Variants in PPARGC1A observed in about 807,000 individuals in gnomAD.
The protein encoded by PPARGC1A is PPARG coactivator 1 alpha.
PPARGC1A carries 25 observed loss-of-function variants against 88.7 expected under a neutral mutation model. The ratio of observed to expected loss-of-function variants is 0.28; its 90% CI spans 0.21 to 0.39. PPARGC1A has a LOEUF of 0.39. Ranked by LOEUF, PPARGC1A falls within the 10% of genes least tolerant of loss-of-function variation. The pLI is 1.00. For synonymous variants in PPARGC1A, 363 were observed against 355.6 expected (o/e 1.02, Z -0.24); for missense variants, 880 against 968.7 (o/e 0.91, Z 1.22).
At chr4:24,208,076 T>G in the PPARGC1A span, among the ~76,000 whole-genome samples, 1 of 152,104 alleles carries the variant, frequency 6.6e-6, no homozygotes, top group African/African-American at 2.4e-5. Flanking sequence ...ACCAGGAGTT[T>G]GAGACCAGCC....
At chr4:24,273,361 A>T in the PPARGC1A span, among the ~76,000 whole-genome samples, 1 of 152,216 alleles carries the variant, frequency 6.6e-6, no homozygotes, top group African/African-American at 2.4e-5. Flanking sequence ...CTTTACAAAC[A>T]TGTCAAGACT....
chr4:24,465,345 C>T, the PPARGC1A span, among the ~76,000 whole-genome samples: 2 of 151,854 alleles, frequency 1.3e-5, no homozygotes, highest in Non-Finnish European at 1.5e-5. Context: ...ACATAGAATC[C>T]GAAAGAAAGA....
chr4:24,315,043 T>C, the PPARGC1A span, among the ~76,000 whole-genome samples: 1 of 144,856 alleles, frequency 6.9e-6, no homozygotes, highest in Non-Finnish European at 1.5e-5. Context: ...AAAAAAGAAA[T>C]CTAAAGAGAC....
the PPARGC1A span, among the ~76,000 whole-genome samples, chr4:24,091,928 T>TACACACACACACACACAC: frequency 5.5e-3 from 811 of 147,836 alleles, 10 homozygotes; most frequent in African/African-American, 0.019. Context: ...CTTGCCCCAA[T>TACACACACACACACACAC]ACACACACAC....
the PPARGC1A span, among the ~76,000 whole-genome samples, chr4:24,198,229 A>T: frequency 6.6e-6 from 1 of 152,336 alleles, no homozygotes; most frequent in East Asian, 1.9e-4. Context: ...GAACCTCTAA[A>T]TAACCAAAGT....
the PPARGC1A span, among the ~76,000 whole-genome samples, chr4:24,069,129 C>A: frequency 2.0e-5 from 3 of 152,166 alleles, no homozygotes; most frequent in Non-Finnish European, 2.9e-5. Context: ...ATGATCTCTA[C>A]TTTATAAAGA....
chr4:24,119,562 A>G, the PPARGC1A span, among the ~76,000 whole-genome samples: 2 of 152,208 alleles, frequency 1.3e-5, no homozygotes, highest in Non-Finnish European at 2.9e-5. Flanking sequence ...AAGCCTAAAG[A>G]AAAGCTGAAG....
the PPARGC1A span, among the ~76,000 whole-genome samples, chr4:23,910,246 AAT>A: frequency 6.1e-4 from 64 of 105,120 alleles, 1 homozygote; most frequent in African/African-American, 2.2e-3. Context: ...AATATATATA[AAT>A]ATATATTATA....
the PPARGC1A span, among the ~76,000 whole-genome samples, chr4:24,284,803 C>T: frequency 7.9e-5 from 12 of 152,218 alleles, no homozygotes; most frequent in African/African-American, 2.2e-4. Flanking sequence ...CCAAGGCAGA[C>T]GGATCATGAG....
intron 2 of PPARGC1A, among the ~76,000 whole-genome samples, chr4:23,859,648 G>T (rs926153007): frequency 6.6e-6 from 1 of 151,848 alleles, no homozygotes; most frequent in African/African-American, 2.4e-5. Context: ...CAGCGTGGTG[G>T]CGGGCGCCTG....
chr4:24,170,240 T>C, the PPARGC1A span, among the ~76,000 whole-genome samples: 2 of 152,150 alleles, frequency 1.3e-5, no homozygotes, highest in African/African-American at 2.4e-5. Context: ...GTTGGGGGTG[T>C]AAGAGGCAAC....
At chr4:24,071,698 A>G in the PPARGC1A span, among the ~76,000 whole-genome samples, 4 of 152,020 alleles carry the variant, frequency 2.6e-5, no homozygotes, top group Non-Finnish European at 4.4e-5. Flanking sequence ...ATTGTGCCAG[A>G]AAAAAAATCC....
chr4:24,397,549 G>A, the PPARGC1A span, among the ~76,000 whole-genome samples: 67 of 152,266 alleles, frequency 4.4e-4, no homozygotes, highest in African/African-American at 1.6e-3. Context: ...CAAATTCCAA[G>A]TGATATCCTT....
chr4:24,222,974 TTA>T, the PPARGC1A span, among the ~76,000 whole-genome samples: 4 of 152,038 alleles, frequency 2.6e-5, no homozygotes, highest in East Asian at 7.7e-4. Flanking sequence ...AAGCAAAAAA[TTA>T]TAATACCTAA....
the PPARGC1A span, among the ~76,000 whole-genome samples, chr4:24,116,826 T>C: frequency 6.6e-6 from 1 of 152,178 alleles, no homozygotes; most frequent in African/African-American, 2.4e-5. Flanking sequence ...CTCCTAACCC[T>C]GTCTATCCCC....
At chr4:23,838,056 G>A (rs1180939282) in intron 2 of PPARGC1A, among the ~76,000 whole-genome samples, 1 of 152,130 alleles carries the variant, frequency 6.6e-6, no homozygotes, top group African/African-American at 2.4e-5. Flanking sequence ...ACTGGAATAG[G>A]ATTTGAGGTT....
At chr4:24,278,946 C>T in the PPARGC1A span, among the ~76,000 whole-genome samples, 1 of 152,192 alleles carries the variant, frequency 6.6e-6, no homozygotes, top group Non-Finnish European at 1.5e-5. Context: ...GCCGAAGCAG[C>T]TGAGTCCTAG....
chr4:23,966,226 C>T, the PPARGC1A span, among the ~76,000 whole-genome samples: 4 of 152,284 alleles, frequency 2.6e-5, no homozygotes, highest in African/African-American at 9.6e-5. Flanking sequence ...ATCTCCCCTG[C>T]CTGTTTCCTC....
chr4:24,195,133 G>A, the PPARGC1A span, among the ~76,000 whole-genome samples: 2 of 152,110 alleles, frequency 1.3e-5, no homozygotes, highest in African/African-American at 4.8e-5. Flanking sequence ...TATGTTATAT[G>A]GAAACAGTGG....
Sources: gnomAD v4.1 joint callset for allele counts (sites outside exome capture counted in the v4.1 genomes callset) on GRCh38, gnomAD v4.1.1 for gene constraint, MANE v1.5 for transcripts, NCBI Gene and HGNC (gene_info 2026-07-23, HGNC 2026-07-21) for gene names.